The following ZBTB7C variants were observed in gnomAD, a reference collection of about 807,000 sequenced individuals.
ZBTB7C encodes zinc finger and BTB domain containing 7C.
In ZBTB7C, 8 loss-of-function variants were observed where a neutral mutation model predicts 25.7. The ratio of observed to expected loss-of-function variants is 0.31; its 90% CI spans 0.18 to 0.56. The LOEUF is 0.56. ZBTB7C is among the 20% of genes least tolerant of loss of function. The pLI, the probability that ZBTB7C is intolerant of heterozygous loss-of-function variation, is 0.91. For missense variants in ZBTB7C, 824 were observed against 855.2 expected (o/e 0.96, Z 0.46); for synonymous variants, 394 against 369.0 (o/e 1.07, Z -0.78).
At chr18:48,266,861 A>C (rs1024773989) in intron 2 of ZBTB7C, among the ~76,000 whole-genome samples, 4 of 151,804 alleles carry the variant, frequency 2.6e-5, no homozygotes, top group African/African-American at 9.7e-5. Flanking sequence ...TGTATTTATG[A>C]GTATCATTTC....
At chr18:48,055,865 G>C (rs1054314824) in intron 3 of ZBTB7C, among the ~76,000 whole-genome samples, 2 of 152,116 alleles carry the variant, frequency 1.3e-5, no homozygotes, top group African/African-American at 4.8e-5. Context: ...TATTCTCAAG[G>C]CAGGAGAATC....
At chr18:48,103,929 G>C (rs1487497515) in intron 3 of ZBTB7C, among the ~76,000 whole-genome samples, 2 of 152,186 alleles carry the variant, frequency 1.3e-5, no homozygotes, top group Non-Finnish European at 2.9e-5. Context: ...GCCAGGGGTC[G>C]AGGGTGCAGG....
At chr18:48,192,609 G>A (rs1003139988) in intron 2 of ZBTB7C, among the ~76,000 whole-genome samples, 11 of 152,136 alleles carry the variant, frequency 7.2e-5, no homozygotes, top group South Asian at 4.1e-4. Flanking sequence ...ACTATAGCCC[G>A]TGGCACCACG....
chr18:48,357,054 G>A (rs1315411835), intron 1 of ZBTB7C, among the ~76,000 whole-genome samples: 4 of 152,190 alleles, frequency 2.6e-5, no homozygotes, highest in Admixed American at 6.5e-5. Context: ...CAGGGCACAG[G>A]GAAGGAATGA....
chr18:48,237,295 T>G, intron 2 of ZBTB7C, among the ~76,000 whole-genome samples: 1 of 151,728 alleles, frequency 6.6e-6, no homozygotes, highest in Admixed American at 6.6e-5. Flanking sequence ...AAATTACAAG[T>G]AAGGGCCCCA....
At chr18:48,308,467 G>A (rs918437717) in intron 2 of ZBTB7C, among the ~76,000 whole-genome samples, 1 of 152,128 alleles carries the variant, frequency 6.6e-6, no homozygotes, top group African/African-American at 2.4e-5. Flanking sequence ...TTCTCAGTGG[G>A]CATCCCGAGT....
rs530750281 is a variant in ZBTB7C at position 48,360,820 on chromosome 18, A to G, written c.-303-22422T>C. 1.1e-3 allele frequency among the ~76,000 whole-genome samples: 165 copies of G among 152,310 alleles called. 1 individual carries two copies. The highest frequency in any genetic ancestry group is 3.9e-3 in the African/African-American group (162 of 41,580). On this transcript the variant is annotated intron_variant, in intron 1 of 4. Transcript: ENST00000590800. ...CAGAGACCCCAGGTAGATAAGATGC[A>G]GCAGCTGGTGGTGGTGGGTCGCTGG...
At chr18:48,390,621 G>C (rs367764924) in intron 1 of ZBTB7C, among the ~76,000 whole-genome samples, 1 of 152,110 alleles carries the variant, frequency 6.6e-6, no homozygotes, top group East Asian at 1.9e-4. Context: ...GCCTCACCTC[G>C]AGAGTAAATT....
At chr18:48,066,308 A>G (rs1443646329) in intron 3 of ZBTB7C, among the ~76,000 whole-genome samples, 2 of 152,154 alleles carry the variant, frequency 1.3e-5, no homozygotes, top group Admixed American at 1.3e-4. Flanking sequence ...TGCATATTTC[A>G]GAGGATCTGT....
intron 2 of ZBTB7C, among the ~76,000 whole-genome samples, chr18:48,193,338 C>T (rs1599073950): frequency 6.6e-6 from 1 of 150,886 alleles, no homozygotes; most frequent in African/African-American, 2.4e-5. Flanking sequence ...TTAGCCCCCT[C>T]CTCGCAGGTC....
At chr18:48,302,204 T>C (rs950272255) in intron 2 of ZBTB7C, among the ~76,000 whole-genome samples, 2 of 152,116 alleles carry the variant, frequency 1.3e-5, no homozygotes, top group Non-Finnish European at 2.9e-5. Flanking sequence ...TTCCTCCCCA[T>C]TCCCCAGAAA....
At chr18:48,202,326 T>G (rs1336822897) in intron 2 of ZBTB7C, among the ~76,000 whole-genome samples, 3 of 152,068 alleles carry the variant, frequency 2.0e-5, no homozygotes, top group Non-Finnish European at 4.4e-5. Flanking sequence ...CGGGGGCTGC[T>G]GAGTCCAAGA....
At chr18:48,308,872 G>A (rs2045743869) in intron 2 of ZBTB7C, among the ~76,000 whole-genome samples, 1 of 152,212 alleles carries the variant, frequency 6.6e-6, no homozygotes, top group Non-Finnish European at 1.5e-5. Flanking sequence ...TCAGTAAGCT[G>A]TGTCTTACCA....
intron 3 of ZBTB7C, among the ~76,000 whole-genome samples, chr18:48,091,526 C>T (rs1006110921): frequency 6.6e-6 from 1 of 152,166 alleles, no homozygotes; most frequent in Non-Finnish European, 1.5e-5. Flanking sequence ...TATCTACAGG[C>T]AGCTCATGGT....
chr18:48,196,399 C>T (rs2042318275), intron 2 of ZBTB7C, among the ~76,000 whole-genome samples: 1 of 152,190 alleles, frequency 6.6e-6, no homozygotes, highest in Non-Finnish European at 1.5e-5. Context: ...CAGCCAAATG[C>T]ACCACTCTCC....
chr18:48,354,565 T>A (rs1419563325), intron 1 of ZBTB7C, among the ~76,000 whole-genome samples: 1 of 152,154 alleles, frequency 6.6e-6, no homozygotes, highest in Non-Finnish European at 1.5e-5. Context: ...TTAAGGGGCA[T>A]CAAGGTAACA....
At chr18:48,362,792 C>G (rs896034648) in intron 1 of ZBTB7C, among the ~76,000 whole-genome samples, 8 of 152,152 alleles carry the variant, frequency 5.3e-5, no homozygotes, top group Non-Finnish European at 1.2e-4. Flanking sequence ...TACAGGAGTT[C>G]CTTACCTCCT....
chr18:48,381,834 G>A (rs1341045882), intron 1 of ZBTB7C, among the ~76,000 whole-genome samples: 1 of 152,158 alleles, frequency 6.6e-6, no homozygotes, highest in African/African-American at 2.4e-5. Flanking sequence ...CATTTTCTTG[G>A]CAGAGGGAAA....
chr18:48,192,960 T>C (rs1355644519), intron 2 of ZBTB7C, among the ~76,000 whole-genome samples: 1 of 147,840 alleles, frequency 6.8e-6, no homozygotes, highest in Non-Finnish European at 1.5e-5. Flanking sequence ...ATAAAGTTTC[T>C]TAATTAAAAA....
Sources: allele counts gnomAD v4.1 joint callset (sites outside exome capture counted in the v4.1 genomes callset), GRCh38; gene constraint gnomAD v4.1.1; transcripts MANE v1.5; gene names NCBI Gene and HGNC (gene_info 2026-07-23, HGNC 2026-07-21).